Variants in RBFOX1 observed in about 807,000 individuals in gnomAD.
The protein encoded by RBFOX1 is RNA binding fox-1 homolog 1, also known as RNA binding protein fox-1 homolog 1.
Under a neutral mutation model 57.7 loss-of-function variants are expected in RBFOX1, and 8 were observed. The ratio of observed to expected loss-of-function variants is 0.14; its 90% CI spans 0.08 to 0.25. The LOEUF (loss-of-function observed/expected upper bound fraction) is 0.25, where lower values mean the gene tolerates loss of function less well. Ranked by LOEUF, RBFOX1 falls within the 10% of genes least tolerant of loss-of-function variation. The pLI, the probability that RBFOX1 is intolerant of heterozygous loss-of-function variation, is 1.00. For synonymous variants in RBFOX1, 326 were observed against 222.4 expected (o/e 1.47, Z -4.15); for missense variants, 611 against 548.5 (o/e 1.11, Z -1.14).
intron 4 of RBFOX1, among the ~76,000 whole-genome samples, chr16:5,934,842 C>T (rs1372676749): frequency 1.3e-5 from 2 of 152,186 alleles, no homozygotes; most frequent in Non-Finnish European, 2.9e-5. Flanking sequence ...GGGCAGGGGA[C>T]CGGGCCACTC....
chr16:6,636,856 T>C (rs1602227192), intron 2 of RBFOX1, among the ~76,000 whole-genome samples: 1 of 127,130 alleles, frequency 7.9e-6, no homozygotes, highest in South Asian at 2.3e-4. Flanking sequence ...ATATATAATA[T>C]ATAATATATA....
intron 3 of RBFOX1, among the ~76,000 whole-genome samples, chr16:5,687,900 C>G (rs2050553629): frequency 6.6e-6 from 1 of 152,202 alleles, no homozygotes; most frequent in African/African-American, 2.4e-5. Flanking sequence ...ACAAAGCAGA[C>G]TCTGCTCTAC....
At chr16:6,020,555 A>AC (rs1440682662) in intron 1 of RBFOX1, among the ~76,000 whole-genome samples, 1 of 151,986 alleles carries the variant, frequency 6.6e-6, no homozygotes, top group African/African-American at 2.4e-5. Flanking sequence ...TGCCACCTCG[A>AC]CCCCAGGGGA....
intron 4 of RBFOX1, among the ~76,000 whole-genome samples, chr16:5,977,400 T>TC (rs2060087040): frequency 6.6e-6 from 1 of 152,082 alleles, no homozygotes; most frequent in South Asian, 2.1e-4. Context: ...GAGCTATGTG[T>TC]CCCTACGATC....
chr16:5,850,867 C>T (rs892312227), intron 3 of RBFOX1, among the ~76,000 whole-genome samples: 6 of 152,162 alleles, frequency 3.9e-5, no homozygotes, highest in Non-Finnish European at 5.9e-5. Flanking sequence ...GGCAGCTCAG[C>T]GTGGGAGAAG....
intron 4 of RBFOX1, among the ~76,000 whole-genome samples, chr16:7,423,559 C>G (rs938370962): frequency 2.0e-5 from 3 of 152,076 alleles, no homozygotes; most frequent in African/African-American, 7.2e-5. Context: ...TTCGATTTCA[C>G]AGTCCTACCC....
intron 4 of RBFOX1, among the ~76,000 whole-genome samples, chr16:7,313,159 A>C (rs1395587805): frequency 6.6e-6 from 1 of 152,174 alleles, no homozygotes; most frequent in Non-Finnish European, 1.5e-5. Flanking sequence ...CGCCTCCTGA[A>C]AGTGGCTTTG....
intron 3 of RBFOX1, among the ~76,000 whole-genome samples, chr16:5,624,927 A>G (rs1477182301): frequency 6.6e-6 from 1 of 152,218 alleles, no homozygotes; most frequent in Non-Finnish European, 1.5e-5. Context: ...GGTGCCAAAC[A>G]GCAAAATGCA....
intron 4 of RBFOX1, among the ~76,000 whole-genome samples, chr16:7,146,224 C>T (rs1292147420): frequency 1.5e-5 from 1 of 64,902 alleles, no homozygotes; most frequent in Admixed American, 1.9e-4. Context: ...TACTGGGCCT[C>T]ACAATCCATA....
At chr16:5,337,605 T>C (rs1313556223) in intron 1 of RBFOX1, among the ~76,000 whole-genome samples, 1 of 152,162 alleles carries the variant, frequency 6.6e-6, no homozygotes, top group Non-Finnish European at 1.5e-5. Context: ...ATAAATATTG[T>C]TGAATGTTTG....
intron 2 of RBFOX1, among the ~76,000 whole-genome samples, chr16:5,513,310 C>G (rs572491406): frequency 6.6e-6 from 1 of 152,116 alleles, no homozygotes; most frequent in Non-Finnish European, 1.5e-5. Context: ...TCTGACGTTT[C>G]GATTAGACTA....
intron 4 of RBFOX1, among the ~76,000 whole-genome samples, chr16:7,386,071 G>A (rs1438226626): frequency 6.6e-6 from 1 of 151,776 alleles, no homozygotes; most frequent in East Asian, 1.9e-4. Flanking sequence ...TTGCAGGTGT[G>A]AGCCACCATG....
chr16:7,525,376 T>TACAGAGC (rs2152308272), intron 5 of RBFOX1, among the ~76,000 whole-genome samples: 1 of 152,316 alleles, frequency 6.6e-6, no homozygotes, highest in African/African-American at 2.4e-5. Context: ...TCTTGCACTG[T>TACAGAGC]TGATATTTAC....
intron 4 of RBFOX1, among the ~76,000 whole-genome samples, chr16:7,168,975 T>C (rs1225206694): frequency 6.6e-6 from 1 of 152,224 alleles, no homozygotes; most frequent in Non-Finnish European, 1.5e-5. Context: ...GGAATAATTC[T>C]GATACTCTAA....
In RBFOX1 at chr16:6,019,434, C is replaced by T. The variant is rs1431539969; in HGVS notation, c.-685C>T. On this transcript the variant is annotated 5_prime_UTR_variant, in exon 1 of 16. Transcript: ENST00000550418. This position sits in a 1 kb window ranked among gnomAD's most constrained non-coding sequence, Gnocchi z 4.2. ...GCGGACGGCGGACGGAGCCCAGGGGCCGCGTCGGGTGGGGAAACCCGAACT... is the reference window on the plus strand; with the variant it reads ...GCGGACGGCGGACGGAGCCCAGGGGTCGCGTCGGGTGGGGAAACCCGAACT... 5.1e-6 allele frequency: 5 copies of T among 988,564 alleles called. No homozygotes were observed. The highest frequency in any genetic ancestry group is 6.0e-6 in the Non-Finnish European group (5 of 832,394). 61.2% of individuals were successfully genotyped at this position (988,564 alleles called of 1,614,324 possible). A position where few individuals can be genotyped will look rare whatever the true frequency, so the allele number is the denominator to read the frequency against.
At chr16:5,974,561 G>A (rs1005305095) in intron 4 of RBFOX1, among the ~76,000 whole-genome samples, 1 of 152,158 alleles carries the variant, frequency 6.6e-6, no homozygotes, top group African/African-American at 2.4e-5. Context: ...AGTGAGCTGA[G>A]ATGGCACCAT....
chr16:7,582,879 C>CA (rs1245786477), intron 6 of RBFOX1, among the ~76,000 whole-genome samples: 6 of 152,042 alleles, frequency 3.9e-5, no homozygotes, highest in African/African-American at 7.2e-5. Flanking sequence ...CAAAACAAGA[C>CA]AAAAAAGCAA....
In RBFOX1 at chr16:7,518,325, C is replaced by G. The variant is rs2076811340; in HGVS notation, c.206C>G (p.Ala69Gly). The G allele has an allele frequency of 6.2e-7, 1 of 1,613,946 alleles. No individual in the cohort carries two copies. ...CACACATTAAACCTGTACCCTCCCG[C>G]CCAGACGCACTCCGAGCAGAGCCCG... ...PEHTLNLYPP[A>G]QTHSEQSPAD... The change falls in exon 5 of 16, where the codon GCC (alanine) becomes GGC (glycine). Residue 69 changes from alanine (A) to glycine (G), a missense_variant. By Grantham distance (60) the Ala-to-Gly change is moderately conservative (BLOSUM62 0). This residue lies in a region of RBFOX1 where 245 missense variants were observed against 159.1 expected (regional missense o/e 1.54). Coordinates refer to ENST00000550418, the MANE Select transcript of RBFOX1 (RefSeq NM_018723.4).
intron 2 of RBFOX1, among the ~76,000 whole-genome samples, chr16:6,556,219 A>C (rs2153892695): frequency 6.6e-6 from 1 of 152,278 alleles, no homozygotes; most frequent in South Asian, 2.1e-4. Flanking sequence ...GTTCTTTATC[A>C]ACGTCTCTCT....
Sources: gnomAD v4.1 joint callset for allele counts (sites outside exome capture counted in the v4.1 genomes callset) on GRCh38, gnomAD v4.1.1 for gene constraint, gnomAD v4.1.1 regional missense constraint, Gnocchi (gnomAD v3.1) non-coding constraint, MANE v1.5 for transcripts, NCBI Gene and HGNC (gene_info 2026-07-23, HGNC 2026-07-21) for gene names.